The following VPS13A variants were observed in gnomAD, a reference collection of about 807,000 sequenced individuals.
VPS13A encodes the protein intermembrane lipid transfer protein VPS13A.
VPS13A carries 264 observed loss-of-function variants against 390.9 expected under a neutral mutation model. That is an observed-to-expected ratio of 0.68 (90% CI 0.61 to 0.75). VPS13A has a LOEUF of 0.75. Among genes scored for constraint, VPS13A ranks in the 30% least tolerant of loss-of-function variants. The pLI is 0.00. For missense variants in VPS13A, 3,409 were observed against 3,733.9 expected, an observed-to-expected ratio of 0.91 and a Z score of 2.27; for synonymous variants, 1,231 against 1,227.1, an observed-to-expected ratio of 1.00 and a Z score of -0.07.
chr9:77,201,304 A>G, intron 2 of VPS13A, 61 bp from the exon 3 acceptor site: 1 of 1,200,994 alleles, frequency 8.3e-7, no homozygotes, highest in Non-Finnish European at 1.2e-6. Flanking sequence ...AAGAGTATTC[A>G]TTTATGTTGT....
chr9:77,219,441 C>G (rs1823057775), intron 10 of VPS13A, among the ~76,000 whole-genome samples: 1 of 152,062 alleles, frequency 6.6e-6, no homozygotes, highest in Non-Finnish European at 1.5e-5. Flanking sequence ...AGGAATTTAT[C>G]TTAGATTATG....
chr9:77,382,253 A>G (rs765989261), intron 68 of VPS13A, 166 bp downstream of exon 68: 28 of 1,471,170 alleles, frequency 1.9e-5, no homozygotes, highest in South Asian at 2.9e-5. Flanking sequence ...TTTATTTACT[A>G]TAAGATTTTT....
intron 52 of VPS13A, among the ~76,000 whole-genome samples, chr9:77,346,736 A>G (rs1831177247): frequency 6.6e-6 from 1 of 152,222 alleles, no homozygotes; most frequent in Non-Finnish European, 1.5e-5. Context: ...ATTCTTCTAC[A>G]TGTGGCTTGC....
intron 29 of VPS13A, among the ~76,000 whole-genome samples, chr9:77,283,141 G>A (rs935529397): frequency 1.3e-5 from 2 of 152,158 alleles, no homozygotes; most frequent in Non-Finnish European, 2.9e-5. Flanking sequence ...TCTTGAAACA[G>A]TGTTGTCTAT....
In VPS13A at chr9:77,317,790, T is replaced by C. The variant is rs997345071; in HGVS notation, c.4956+92T>C. 85 of 946,848 alleles carry C rather than the reference T, an allele frequency of 9.0e-5. 2 individuals carry two copies. The highest frequency in any genetic ancestry group is 4.3e-4 in the East Asian group (15 of 35,216). 58.7% of individuals were successfully genotyped at this position (946,848 alleles called of 1,614,324 possible). ...ATTATAGCAAGTCTTTTAATTGTTATGCAAACAAAATAGGTGTGTTTTTGA... is the reference window on the plus strand; with the variant it reads ...ATTATAGCAAGTCTTTTAATTGTTACGCAAACAAAATAGGTGTGTTTTTGA... On this transcript the variant is annotated intron_variant, in intron 40 of 71. Transcript: ENST00000360280.
At chr9:77,323,391 A>G (rs1829849028) in intron 45 of VPS13A, among the ~76,000 whole-genome samples, 164 bp downstream of exon 45, 2 of 152,162 alleles carry the variant, frequency 1.3e-5, no homozygotes. Flanking sequence ...CTACTTGGTT[A>G]TGACGGGTGG....
intron 14 of VPS13A, 125 bp from the exon 15 acceptor site, chr9:77,226,341 A>G: frequency 1.2e-6 from 1 of 848,212 alleles, no homozygotes; most frequent in South Asian, 1.6e-5. Flanking sequence ...TTCTGTTATT[A>G]ATGTGTATAT....
intron 34 of VPS13A, among the ~76,000 whole-genome samples, chr9:77,304,244 A>C (rs992007857): frequency 2.6e-5 from 4 of 152,340 alleles, no homozygotes; most frequent in South Asian, 2.1e-4. Context: ...TAGATCCCTT[A>C]AACCTTGATT....
chr9:77,193,611 G>T (rs1053185144), intron 1 of VPS13A, among the ~76,000 whole-genome samples: 2 of 152,134 alleles, frequency 1.3e-5, no homozygotes, highest in African/African-American at 4.8e-5. Flanking sequence ...TCCAGCCTGG[G>T]CGACAGGGCA....
intron 54 of VPS13A, 139 bp downstream of exon 54, chr9:77,353,780 A>G (rs1332012345): frequency 1.2e-6 from 1 of 864,738 alleles, no homozygotes; most frequent in African/African-American, 1.7e-5. Context: ...GCTAGTTTTA[A>G]ATGTGCTTGA....
intron 1 of VPS13A, among the ~76,000 whole-genome samples, chr9:77,193,579 AGCCGAGATCAT>A (rs1464135944): frequency 6.6e-6 from 1 of 152,200 alleles, no homozygotes; most frequent in Non-Finnish European, 1.5e-5. Context: ...GGTTGCAGTG[AGCCGAGATCAT>A]GCCACTGCAC....
intron 3 of VPS13A, among the ~76,000 whole-genome samples, chr9:77,204,400 C>A (rs1185788523): frequency 1.3e-5 from 2 of 151,808 alleles, no homozygotes; most frequent in African/African-American, 4.8e-5. Context: ...AAAAAAAATT[C>A]TTTGCTGTTT....
At chr9:77,331,376 A>G (rs1357229091) in intron 45 of VPS13A, among the ~76,000 whole-genome samples, 1 of 152,078 alleles carries the variant, frequency 6.6e-6, no homozygotes, top group Non-Finnish European at 1.5e-5. Context: ...TCAACTGTTG[A>G]TATCACCATA....
rs1037082342 is a variant in VPS13A at position 77,418,796 on chromosome 9, C to T, written c.*2790C>T. The T allele has an allele frequency of 6.6e-6, 1 of 152,134 alleles. No individual in the cohort carries two copies. Among genetic ancestry groups the T allele is most frequent in the African/African-American group, 2.4e-5 (1 of 41,406 alleles). 9.4% of individuals were successfully genotyped at this position (152,134 alleles called of 1,614,324 possible). A position where few individuals can be genotyped will look rare whatever the true frequency, so the allele number is the denominator to read the frequency against. ...CTCTCATTTCTTCCAATAGTAATAG[C>T]GGTAATATTGTTCCATTGAATATCT... is the stretch of plus-strand genomic sequence containing the variant. On this transcript the variant is annotated 3_prime_UTR_variant, in exon 72 of 72. Transcript: ENST00000360280.
At chr9:77,403,187 G>C in intron 68 of VPS13A, 49 bp from the exon 69 acceptor site, 2 of 1,383,720 alleles carry the variant, frequency 1.4e-6, no homozygotes. Flanking sequence ...TTGCATTACA[G>C]TAGGAAATAC....
At chr9:77,367,018 A>C (rs1832467867) in intron 61 of VPS13A, 146 bp downstream of exon 61, 2 of 692,176 alleles carry the variant, frequency 2.9e-6, no homozygotes, top group Admixed American at 3.0e-5. Flanking sequence ...GTGCAATCTG[A>C]ATAACACCAA....
intron 40 of VPS13A, 132 bp downstream of exon 40, chr9:77,317,830 GAGATATTTAC>G (rs1459508987): frequency 3.6e-6 from 2 of 555,006 alleles, no homozygotes; most frequent in Non-Finnish European, 6.2e-6. Flanking sequence ...ACGTTTTTAT[GAGATATTTAC>G]AAAGTAATAT....
intron 68 of VPS13A, among the ~76,000 whole-genome samples, chr9:77,391,601 G>GTAAAGAACCCTACGGAAGCACTA (rs1373887456): frequency 5.3e-5 from 8 of 152,084 alleles, no homozygotes; most frequent in African/African-American, 1.7e-4. Context: ...ATTTATCACT[G>GTAAAGAACCCTACGGAAGCACTA]TAAAGAACCC....
intron 7 of VPS13A, 128 bp from the exon 8 acceptor site, chr9:77,212,841 A>C: frequency 2.1e-6 from 2 of 930,728 alleles, no homozygotes; most frequent in Non-Finnish European, 3.4e-6. Context: ...TTTTTGATGG[A>C]GTGATATGTC....
Sources: gnomAD v4.1 joint callset for allele counts (sites outside exome capture counted in the v4.1 genomes callset) on GRCh38, gnomAD v4.1.1 for gene constraint, MANE v1.5 for transcripts, NCBI Gene and HGNC (gene_info 2026-07-23, HGNC 2026-07-21) for gene names.